Variants in CAMK2B observed in about 807,000 individuals in gnomAD.
CAMK2B encodes calcium/calmodulin-dependent protein kinase type II subunit beta.
CAMK2B carries 27 observed loss-of-function variants against 93.7 expected under a neutral mutation model. The observed-to-expected ratio is 0.29, with a 90% CI of 0.21 to 0.40. The LOEUF (loss-of-function observed/expected upper bound fraction) is 0.40, where lower values mean the gene tolerates loss of function less well. Among genes scored for constraint, CAMK2B ranks in the 10% least tolerant of loss-of-function variants. The probability of loss-of-function intolerance (pLI) is 1.00; values close to 1 mark genes in which losing one functional copy is unlikely to be tolerated. For synonymous variants in CAMK2B, 374 were observed against 358.8 expected, an observed-to-expected ratio of 1.04 and a Z score of -0.48; for missense variants, 568 against 895.8, an observed-to-expected ratio of 0.63 and a Z score of 4.67.
In CAMK2B at chr7:44,228,930, G is replaced by T. The variant is rs2096549555; in HGVS notation, c.1340-6C>A. 1.2e-6 allele frequency: 2 copies of T among 1,608,968 alleles called. No individual in the cohort carries two copies. The highest frequency in any genetic ancestry group is 2.2e-5 in the South Asian group (2 of 90,988). On this transcript the variant is annotated splice_polypyrimidine_tract_variant and splice_region_variant and intron_variant, in intron 18 of 23. Transcript: ENST00000395749. ...GATGTCAGAGATCCTGGGGGCTGGGGTGGAACAGATGAGACGTGAACATGA... is the reference window on the plus strand; with the variant it reads ...GATGTCAGAGATCCTGGGGGCTGGGTTGGAACAGATGAGACGTGAACATGA...
At chr7:44,304,054 C>T (rs1790799125) in intron 1 of CAMK2B, among the ~76,000 whole-genome samples, 1 of 152,166 alleles carries the variant, frequency 6.6e-6, no homozygotes, top group Non-Finnish European at 1.5e-5. Context: ...TATCACTATA[C>T]ACCTATTAGA....
intron 1 of CAMK2B, among the ~76,000 whole-genome samples, chr7:44,307,014 GA>G (rs1791911949): frequency 1.5e-5 from 2 of 131,330 alleles, no homozygotes; most frequent in East Asian, 2.6e-4. Flanking sequence ...GTGTGAGCAG[GA>G]AGAAGAGGGT....
intron 2 of CAMK2B, among the ~76,000 whole-genome samples, chr7:44,274,159 T>A (rs377348379): frequency 1.8e-4 from 28 of 152,128 alleles, no homozygotes; most frequent in African/African-American, 6.5e-4. Context: ...AAACCCTCCA[T>A]GACCTTCTGT....
At chr7:44,229,042 G>A in intron 18 of CAMK2B, 118 bp from the exon 19 acceptor site, 1 of 993,432 alleles carries the variant, frequency 1.0e-6, no homozygotes, top group Non-Finnish European at 1.6e-6. Context: ...CCTGGGATCA[G>A]GCCCTGAATC....
At chr7:44,303,748 T>C (rs192814050) in intron 1 of CAMK2B, among the ~76,000 whole-genome samples, 1 of 152,300 alleles carries the variant, frequency 6.6e-6, no homozygotes, top group African/African-American at 2.4e-5. Flanking sequence ...AATTGATGAA[T>C]TGGACTTAAT....
chr7:44,323,090 C>A (rs1796533075), intron 1 of CAMK2B, among the ~76,000 whole-genome samples: 1 of 152,250 alleles, frequency 6.6e-6, no homozygotes, highest in South Asian at 2.1e-4. Context: ...CCCTGGCCCA[C>A]CTCTATGGCA....
chr7:44,238,149 C>G (rs999456848), intron 13 of CAMK2B, among the ~76,000 whole-genome samples: 1 of 152,212 alleles, frequency 6.6e-6, no homozygotes, highest in Admixed American at 6.5e-5. Context: ...GATGGGTGGT[C>G]CTCTCAGCCC....
intron 1 of CAMK2B, among the ~76,000 whole-genome samples, chr7:44,301,646 G>A (rs1435316783): frequency 3.9e-5 from 6 of 151,978 alleles, no homozygotes; most frequent in East Asian, 1.9e-4. Flanking sequence ...GCATGGTGGC[G>A]CATGCCTGTA....
chr7:44,256,481 G>A (rs2096835180), intron 4 of CAMK2B, among the ~76,000 whole-genome samples: 1 of 152,242 alleles, frequency 6.6e-6, no homozygotes. Context: ...TTGTGCACTT[G>A]TAGAGCAGTT....
intron 3 of CAMK2B, among the ~76,000 whole-genome samples, chr7:44,262,744 C>T (rs1050000807): frequency 4.6e-5 from 7 of 152,138 alleles, no homozygotes; most frequent in Admixed American, 2.6e-4. Flanking sequence ...CCTGTCCAGT[C>T]GGGTGGAGCT....
intron 1 of CAMK2B, among the ~76,000 whole-genome samples, chr7:44,288,666 T>A (rs1382111251): frequency 2.6e-5 from 4 of 152,180 alleles, no homozygotes; most frequent in Non-Finnish European, 5.9e-5. Context: ...TTTGAGTCCT[T>A]GCTTTGTGGA....
chr7:44,226,480 G>A (rs947865584), intron 20 of CAMK2B, 36 bp downstream of exon 20: 3 of 1,372,256 alleles, frequency 2.2e-6, no homozygotes, highest in Non-Finnish European at 2.8e-6. Context: ...GCCCCTCCGG[G>A]CAGCCGCTGC....
At chr7:44,249,276 T>C (rs2096758101) in intron 5 of CAMK2B, among the ~76,000 whole-genome samples, 1 of 152,184 alleles carries the variant, frequency 6.6e-6, no homozygotes, top group African/African-American at 2.4e-5. Context: ...GGGTGGGGGC[T>C]TCCCTCTGGT....
At chr7:44,246,634 C>T (rs567425277) in intron 6 of CAMK2B, among the ~76,000 whole-genome samples, 7 of 152,014 alleles carry the variant, frequency 4.6e-5, no homozygotes, top group African/African-American at 1.7e-4. Context: ...GACACGCCAC[C>T]ACTCATGCAG....
At chr7:44,317,405 G>A (rs1795066853) in intron 1 of CAMK2B, among the ~76,000 whole-genome samples, 1 of 152,140 alleles carries the variant, frequency 6.6e-6, no homozygotes. Context: ...GTACAAAAAG[G>A]AATGCAAAAT....
chr7:44,294,403 G>A (rs1317489970), intron 1 of CAMK2B, among the ~76,000 whole-genome samples: 1 of 152,204 alleles, frequency 6.6e-6, no homozygotes, highest in East Asian at 1.9e-4. Context: ...CTCCCTCTCT[G>A]TCCCAGCGAC....
chr7:44,293,503 A>C (rs1474549618), intron 1 of CAMK2B, among the ~76,000 whole-genome samples: 1 of 152,190 alleles, frequency 6.6e-6, no homozygotes, highest in Non-Finnish European at 1.5e-5. Context: ...CCTGTATAGC[A>C]GTGGTCCCCA....
rs534120305 is a variant in CAMK2B, at chr7:44,286,370, ACACTGCAGGGTTGACCCT to A, written c.66-2163_66-2146del. On this transcript the variant is annotated intron_variant, in intron 1 of 23. Coordinates refer to ENST00000395749, the MANE Select transcript of CAMK2B (RefSeq NM_001220.5). This position sits in a 1 kb window ranked among gnomAD's most constrained non-coding sequence, Gnocchi z 4.0. ...CCTCCGTGCGCCAGAACGCAACCAC[ACACTGCAGGGTTGACCCT>A]CAGTAGGAAGTTCAACAGACTGCAC... is the stretch of plus-strand genomic sequence containing the variant. Among the ~76,000 whole-genome samples the A allele has an allele frequency of 1.6e-4, 24 of 152,166 alleles. 1 individual carries two copies. In the South Asian group the frequency reaches 4.8e-3, roughly 30 times the overall value.
At chr7:44,229,114 A>ACCGAC (rs1236337146) in intron 18 of CAMK2B, 190 bp from the exon 19 acceptor site, 1 of 673,366 alleles carries the variant, frequency 1.5e-6, no homozygotes, top group African/African-American at 1.8e-5. Flanking sequence ...TGAGGCCTGC[A>ACCGAC]CCGACCCTGA....
Sources: gnomAD v4.1 joint callset for allele counts (sites outside exome capture counted in the v4.1 genomes callset) on GRCh38, gnomAD v4.1.1 for gene constraint, Gnocchi (gnomAD v3.1) non-coding constraint, MANE v1.5 for transcripts, NCBI Gene and HGNC (gene_info 2026-07-23, HGNC 2026-07-21) for gene names.